Variants in KLF4 observed in about 807,000 individuals in gnomAD.
KLF4 encodes the protein KLF transcription factor 4.
KLF4 carries 14 observed loss-of-function variants against 38.0 expected under a neutral mutation model. The observed-to-expected ratio is 0.37, with a 90% CI of 0.24 to 0.58. The LOEUF is 0.58. Ranked by LOEUF, KLF4 falls within the 20% of genes least tolerant of loss-of-function variation. The probability of loss-of-function intolerance (pLI) is 0.76; values close to 1 mark genes in which losing one functional copy is unlikely to be tolerated. For missense variants in KLF4, 737 were observed against 670.1 expected, an observed-to-expected ratio of 1.10 and a Z score of -1.10; for synonymous variants, 398 against 302.5, an observed-to-expected ratio of 1.32 and a Z score of -3.28.
At position 107,489,297 on chromosome 9, in the gene KLF4, T is replaced by C. The variant is rs566907247; in HGVS notation, c.-125A>G. 3 of 1,249,474 alleles carry C rather than the reference T, an allele frequency of 2.4e-6. No homozygotes were observed. Among genetic ancestry groups the C allele is most frequent in the South Asian group, 1.7e-5 (1 of 57,728 alleles). The allele number at this position is 1,249,474 out of a possible 1,614,324, so 77.4% of individuals were successfully genotyped here. On this transcript the variant is annotated 5_prime_UTR_variant, in exon 1 of 5. Transcript: ENST00000374672. ...CCAAATTGGCCGAGATCCTTCTTCT[T>C]TGGATTAAATATAACTTGGAAGCGT...
At position 107,488,024 on chromosome 9, in the gene KLF4, C is replaced by A. The variant is rs751611404; in HGVS notation, c.370G>T (p.Val124Leu). The change falls in exon 3 of 5, where the codon GTG becomes TTG. Residue 124 changes from valine to leucine, a missense_variant. Coordinates refer to ENST00000374672, the MANE Select transcript of KLF4 (RefSeq NM_004235.6). This position sits in a 1 kb window ranked among gnomAD's most constrained non-coding sequence, Gnocchi z 5.7. ...THPPESVAATVSSSASASSSS... is the reference protein window; with the variant it reads ...THPPESVAATLSSSASASSSS... ...GAGGAGGCTGACGCTGACGAGGACACGGTGGCGGCCACTGACTCCGGAGGA... is the reference window on the plus strand; with the variant it reads ...GAGGAGGCTGACGCTGACGAGGACAAGGTGGCGGCCACTGACTCCGGAGGA... 3 of 1,608,480 alleles carry A rather than the reference C, an allele frequency of 1.9e-6. No homozygotes were observed. In the African/African-American group the frequency reaches 4.0e-5, roughly 21 times the overall value.
At position 107,488,577 on chromosome 9, in the gene KLF4, G is replaced by GAGGGCACACC; in HGVS notation, c.127-311_127-310insGGTGTGCCCT. 2 of 495,854 alleles carry GAGGGCACACC rather than the reference G, an allele frequency of 4.0e-6. No homozygotes were observed. The highest frequency in any genetic ancestry group is 7.6e-5 in the Admixed American group (2 of 26,156). The allele number at this position is 495,854 out of a possible 1,614,324, so 30.7% of individuals were successfully genotyped here. A position where few individuals can be genotyped will look rare whatever the true frequency, so the allele number is the denominator to read the frequency against. On this transcript the variant is annotated intron_variant, in intron 2 of 4. Coordinates refer to ENST00000374672, the MANE Select transcript of KLF4 (RefSeq NM_004235.6). The surrounding 1 kb of genome is among the most constrained non-coding windows in gnomAD (Gnocchi z 5.7). ...GGAATTGGCACACCGAGGCTCTCTC[G>GAGGGCACACC]GTGCGCTCTCGCCACGGGGCCGCCT...
At position 107,487,576 on chromosome 9, in the gene KLF4, G is replaced by T; in HGVS notation, c.818C>A (p.Thr273Lys). ...CGCCTCCTGCTTGATCTTGGGGCACGTGCGCGGCGGCCCGCCGTTGTAGGG... is the reference window on the plus strand; with the variant it reads ...CGCCTCCTGCTTGATCTTGGGGCACTTGCGCGGCGGCCCGCCGTTGTAGGG... ...VAPYNGGPPRTCPKIKQEAVS... is the reference protein window; with the variant it reads ...VAPYNGGPPRKCPKIKQEAVS... The change falls in exon 3 of 5, where the codon ACG becomes AAG. Residue 273 changes from threonine (T) to lysine (K), a missense_variant. Thr to Lys is a moderately conservative substitution (Grantham distance 78). Transcript: ENST00000374672. This position sits in a 1 kb window ranked among gnomAD's most constrained non-coding sequence, Gnocchi z 6.1. 1 of 1,579,696 alleles carries T rather than the reference G, an allele frequency of 6.3e-7. No individual in the cohort carries two copies. The highest frequency in any genetic ancestry group is 8.6e-7 in the Non-Finnish European group (1 of 1,167,600).
rs749950864 is a variant in KLF4, at chr9:107,487,708, A to G, written c.686T>C (p.Phe229Ser). The G allele has an allele frequency of 7.4e-5, 119 of 1,604,170 alleles. 1 individual carries two copies. Among genetic ancestry groups the G allele is most frequent in the Non-Finnish European group, 8.8e-5 (103 of 1,176,964 alleles). Residue 229 changes from phenylalanine (F) to serine (S), a missense_variant, in exon 3 of 5, where the codon TTC (phenylalanine) becomes TCC (serine). By Grantham distance (155) the Phe-to-Ser change is radical. Around this residue, in one of 2 missense-constraint regions of KLF4, gnomAD observed 695 missense variants for 554.5 expected, o/e 1.25. Coordinates refer to ENST00000374672, the MANE Select transcript of KLF4 (RefSeq NM_004235.6). The surrounding 1 kb of genome is among the most constrained non-coding windows in gnomAD (Gnocchi z 6.1). ...QPPGGGLMGK[F>S]VLKASLSAPG... ...GGCGCTCAGCGACGCCTTCAGCACGAACTTGCCCATCAGCCCGCCACCTGG... is the reference window on the plus strand; with the variant it reads ...GGCGCTCAGCGACGCCTTCAGCACGGACTTGCCCATCAGCCCGCCACCTGG...
Position 107,487,732 on chromosome 9 carries a change from G to GGCGGCT in KLF4, c.656_661dup (p.Gln219_Pro220dup), listed in dbSNP as rs747617149. 3.9e-5 allele frequency: 62 copies of GGCGGCT among 1,590,232 alleles called. No homozygotes were observed. The highest frequency in any genetic ancestry group is 5.1e-5 in the Non-Finnish European group (60 of 1,169,248). ...GAACTTGCCCATCAGCCCGCCACCTGGCGGCTGCGGCTGCTGCGGCGGAAT... is the reference window on the plus strand; with the variant it reads ...GAACTTGCCCATCAGCCCGCCACCTGGCGGCTGCGGCTGCGGCTGCTGCGGCGGAAT... On this transcript the variant is annotated inframe_insertion, in exon 3 of 5. Coordinates refer to ENST00000374672, the MANE Select transcript of KLF4 (RefSeq NM_004235.6). This position sits in a 1 kb window ranked among gnomAD's most constrained non-coding sequence, Gnocchi z 6.1.
In KLF4 at chr9:107,488,884, C is replaced by CA. The variant is rs1292131318; in HGVS notation, c.126+45dup. ...AGGCTCCGCCCGCCCCCACCACACC[C>CA]ACGAAAACCCACCGGGCGTTCCCGG... On this transcript the variant is annotated intron_variant, in intron 2 of 4. Transcript: ENST00000374672. The surrounding 1 kb of genome is among the most constrained non-coding windows in gnomAD (Gnocchi z 5.7). The CA allele has an allele frequency of 3.2e-6, 5 of 1,538,496 alleles. No homozygotes were observed. The African/African-American group carries it at 6.9e-5, about 21-fold the overall frequency.
rs778334042 is a variant in KLF4, at chr9:107,485,933, A to C, written c.1265-7T>G. On this transcript the variant is annotated splice_region_variant and splice_polypyrimidine_tract_variant and intron_variant, in intron 4 of 4. Transcript: ENST00000374672. This position sits in a 1 kb window ranked among gnomAD's most constrained non-coding sequence, Gnocchi z 4.9. The stretch of plus-strand genomic sequence containing the variant: ...CAGTGGTAAGGTTTCTCACCTGTAA[A>C]GGTAAAAGAAAAAAAAAATTGACGC... 1.3e-6 allele frequency: 2 copies of C among 1,597,864 alleles called. No homozygotes were observed. Among genetic ancestry groups the C allele is most frequent in the South Asian group, 2.3e-5 (2 of 87,538 alleles).
In KLF4 at chr9:107,488,041, T is replaced by C; in HGVS notation, c.353A>G (p.Glu118Gly). The C allele has an allele frequency of 6.2e-7, 1 of 1,611,684 alleles. No homozygotes were observed. The highest frequency in any genetic ancestry group is 8.5e-7 in the Non-Finnish European group (1 of 1,179,390). Residue 118 changes from glutamate to glycine, a missense_variant, in exon 3 of 5, where the codon GAG (glutamate) becomes GGG (glycine). By Grantham distance (98) the Glu-to-Gly change is moderately conservative (BLOSUM62 -2). Coordinates refer to ENST00000374672, the MANE Select transcript of KLF4 (RefSeq NM_004235.6). The surrounding 1 kb of genome is among the most constrained non-coding windows in gnomAD (Gnocchi z 5.7). ...CGAGGACACGGTGGCGGCCACTGAC[T>C]CCGGAGGATGGGTCAGCGAATTGGA... is the stretch of plus-strand genomic sequence containing the variant. ...ILSNSLTHPPESVAATVSSSA... is the reference protein window; with the variant it reads ...ILSNSLTHPPGSVAATVSSSA...
chr9:107,488,862 C>G lies in KLF4; in HGVS notation c.126+68G>C, dbSNP rs1261727317. 5.9e-6 allele frequency: 9 copies of G among 1,518,132 alleles called. No homozygotes were observed. Among genetic ancestry groups the G allele is most frequent in the Non-Finnish European group, 8.0e-6 (9 of 1,126,678 alleles). 94.0% of individuals were successfully genotyped at this position (1,518,132 alleles called of 1,614,324 possible). A position where few individuals can be genotyped will look rare whatever the true frequency, so the allele number is the denominator to read the frequency against. On this transcript the variant is annotated intron_variant, in intron 2 of 4. Transcript: ENST00000374672. The surrounding 1 kb of genome is among the most constrained non-coding windows in gnomAD (Gnocchi z 5.7). ...TCAGTGGCTCTTGGTGACCCCAAGGCTCCGCCCGCCCCCACCACACCCACG... is the reference window on the plus strand; with the variant it reads ...TCAGTGGCTCTTGGTGACCCCAAGGGTCCGCCCGCCCCCACCACACCCACG...
Position 107,487,370 on chromosome 9 carries a change from G to T in KLF4, c.1024C>A (p.Pro342Thr), listed in dbSNP as rs762244551. 1.6e-5 allele frequency: 24 copies of T among 1,539,514 alleles called. No homozygotes were observed. In the South Asian group the frequency reaches 2.9e-4, roughly 19 times the overall value. The change falls in exon 3 of 5, where the codon CCC becomes ACC. Residue 342 changes from proline (P) to threonine (T), a missense_variant. Physicochemically the swap from Pro to Thr is conservative, Grantham distance 38. Coordinates refer to ENST00000374672, the MANE Select transcript of KLF4 (RefSeq NM_004235.6). This position sits in a 1 kb window ranked among gnomAD's most constrained non-coding sequence, Gnocchi z 6.1. The stretch of plus-strand genomic sequence containing the variant: ...GATGGGTAATTGGGCCCCGGGTGGG[G>T]ATGGAAGCCGGGAGGAAGCGGCAGG... ...PALPLPPGFHPHPGPNYPSFL... is the reference protein window; with the variant it reads ...PALPLPPGFHTHPGPNYPSFL...
Position 107,489,213 on chromosome 9 carries a change from C to G in KLF4, c.-41G>C, listed in dbSNP as rs760310902. The G allele has an allele frequency of 6.9e-7, 1 of 1,457,884 alleles. No homozygotes were observed. The highest frequency in any genetic ancestry group is 2.5e-5 in the East Asian group (1 of 39,484). The allele number at this position is 1,457,884 out of a possible 1,614,324, so 90.3% of individuals were successfully genotyped here. On this transcript the variant is annotated 5_prime_UTR_variant, in exon 1 of 5. Coordinates refer to ENST00000374672, the MANE Select transcript of KLF4 (RefSeq NM_004235.6). ...GAAGGTCCTCGGCAGCCCGAAGCAG[C>G]TGGGGCACCTGAACCCCAAAGTCAA...
chr9:107,487,059 G>C lies in KLF4; in HGVS notation c.1233C>G (p.Ser411=), dbSNP rs1340733924. The change falls in exon 4 of 5, where the codon TCC becomes TCG. Residue 411 remains serine, a synonymous_variant. Coordinates refer to ENST00000374672, the MANE Select transcript of KLF4 (RefSeq NM_004235.6). This position sits in a 1 kb window ranked among gnomAD's most constrained non-coding sequence, Gnocchi z 6.1. ...GGGTTCGCAGGTGTGCCTTGAGATG[G>C]GAACTCTTTGTGTAGGTTTTGCCGC... The part of the protein sequence containing the change: ...AGCGKTYTKS[S]HLKAHLRTHT... The C allele has an allele frequency of 1.2e-6, 2 of 1,614,194 alleles. No individual in the cohort carries two copies. Among genetic ancestry groups the C allele is most frequent in the Non-Finnish European group, 1.7e-6 (2 of 1,180,042 alleles).
rs755678525 is a variant in KLF4 at position 107,487,537 on chromosome 9, G to C, written c.857C>G (p.Thr286Ser). ...GAGAGGGGGTCCAGCGCCCAAGTGG[G>C]TGCACGAAGAGACCGCCTCCTGCTT... is the stretch of plus-strand genomic sequence containing the variant. ...KIKQEAVSSC[T>S]HLGAGPPLSN... Residue 286 changes from threonine to serine, a missense_variant, in exon 3 of 5, where the codon ACC becomes AGC. Coordinates refer to ENST00000374672, the MANE Select transcript of KLF4 (RefSeq NM_004235.6). The surrounding 1 kb of genome is among the most constrained non-coding windows in gnomAD (Gnocchi z 6.1). 3 of 1,563,606 alleles carry C rather than the reference G, an allele frequency of 1.9e-6. No homozygotes were observed. Among genetic ancestry groups the C allele is most frequent in the Non-Finnish European group, 1.7e-6 (2 of 1,156,424 alleles).
rs1006340311 is a variant in KLF4 at position 107,489,515 on chromosome 9, C to A, written c.-343G>T. On this transcript the variant is annotated 5_prime_UTR_variant, in exon 1 of 5. Coordinates refer to ENST00000374672, the MANE Select transcript of KLF4 (RefSeq NM_004235.6). ...CAGGGGCTGTGGCCGGGGCGGTGGG[C>A]GGGCGGTGCCGCCAGGTGAGACTGG... 2 of 218,574 alleles carry A rather than the reference C, an allele frequency of 9.2e-6. No homozygotes were observed. The highest frequency in any genetic ancestry group is 2.3e-5 in the African/African-American group (1 of 43,730). The allele number at this position is 218,574 out of a possible 1,614,324, so 13.5% of individuals were successfully genotyped here. A position where few individuals can be genotyped will look rare whatever the true frequency, so the allele number is the denominator to read the frequency against.
In KLF4 at chr9:107,485,426, C is replaced by A; in HGVS notation, c.*325G>T. 3.4e-6 allele frequency: 1 copy of A among 291,608 alleles called. No homozygotes were observed. The highest frequency in any genetic ancestry group is 5.4e-5 in the East Asian group (1 of 18,420). The allele number at this position is 291,608 out of a possible 1,614,324, so 18.1% of individuals were successfully genotyped here. The stretch of plus-strand genomic sequence containing the variant: ...TTCAAGGGAATTCTGGTCTTCCCTC[C>A]CCCAACTCACGGATATAATTTATAC... On this transcript the variant is annotated 3_prime_UTR_variant, in exon 5 of 5. Transcript: ENST00000374672. The surrounding 1 kb of genome is among the most constrained non-coding windows in gnomAD (Gnocchi z 4.9).
Position 107,487,714 on chromosome 9 carries a change from C to T in KLF4, c.680G>A (p.Gly227Asp). Residue 227 changes from glycine to aspartate, a missense_variant, in exon 3 of 5, where the codon GGC becomes GAC. Transcript: ENST00000374672. This position sits in a 1 kb window ranked among gnomAD's most constrained non-coding sequence, Gnocchi z 6.1. The stretch of plus-strand genomic sequence containing the variant: ...CAGCGACGCCTTCAGCACGAACTTG[C>T]CCATCAGCCCGCCACCTGGCGGCTG... ...QPQPPGGGLM[G>D]KFVLKASLSA... 6.2e-7 allele frequency: 1 copy of T among 1,600,902 alleles called. No individual in the cohort carries two copies. Among genetic ancestry groups the T allele is most frequent in the Non-Finnish European group, 8.5e-7 (1 of 1,175,092 alleles).
In KLF4 at chr9:107,488,627, G is replaced by A. The variant is rs1466312277; in HGVS notation, c.126+303C>T. ...TACGCGCTAAACTCACTCTGGCCCAGCCAGTGTCTGGGGACGCGGCCACCT... is the reference window on the plus strand; with the variant it reads ...TACGCGCTAAACTCACTCTGGCCCAACCAGTGTCTGGGGACGCGGCCACCT... On this transcript the variant is annotated intron_variant, in intron 2 of 4. Coordinates refer to ENST00000374672, the MANE Select transcript of KLF4 (RefSeq NM_004235.6). This position sits in a 1 kb window ranked among gnomAD's most constrained non-coding sequence, Gnocchi z 5.7. 1.3e-5 allele frequency among the ~76,000 whole-genome samples: 2 copies of A among 152,174 alleles called. No homozygotes were observed. The highest frequency in any genetic ancestry group is 2.4e-5 in the African/African-American group (1 of 41,458).
Position 107,487,652 on chromosome 9 carries a change from T to C in KLF4, c.742A>G (p.Ile248Val). 6.3e-7 allele frequency: 1 copy of C among 1,590,860 alleles called. No homozygotes were observed. Among genetic ancestry groups the C allele is most frequent in the Non-Finnish European group, 8.6e-7 (1 of 1,167,060 alleles). Residue 248 changes from isoleucine (I) to valine (V), a missense_variant, in exon 3 of 5, where the codon ATC becomes GTC. Around this residue, in one of 2 missense-constraint regions of KLF4, gnomAD observed 695 missense variants for 554.5 expected, o/e 1.25. Coordinates refer to ENST00000374672, the MANE Select transcript of KLF4 (RefSeq NM_004235.6). The surrounding 1 kb of genome is among the most constrained non-coding windows in gnomAD (Gnocchi z 6.1). ...PGSEYGSPSV[I>V]SVSKGSPDGS... ...TCAGGGCTGCCTTTGCTGACGCTGA[T>C]GACCGACGGGCTGCCGTACTCGCTG... is the stretch of plus-strand genomic sequence containing the variant.
In KLF4 at chr9:107,487,735, G is replaced by GGCTGCGGCT. The variant is rs772043088; in HGVS notation, c.650_658dup (p.Gln217_Gln219dup). The GGCTGCGGCT allele has an allele frequency of 2.0e-5, 32 of 1,587,076 alleles. No homozygotes were observed. In the African/African-American group the frequency reaches 3.1e-4, roughly 15 times the overall value. On this transcript the variant is annotated inframe_insertion, in exon 3 of 5. Transcript: ENST00000374672. The surrounding 1 kb of genome is among the most constrained non-coding windows in gnomAD (Gnocchi z 6.1). ...CTTGCCCATCAGCCCGCCACCTGGCGGCTGCGGCTGCTGCGGCGGAATGTA... is the reference window on the plus strand; with the variant it reads ...CTTGCCCATCAGCCCGCCACCTGGCGGCTGCGGCTGCTGCGGCTGCTGCGGCGGAATGTA...
Sources: gnomAD v4.1 joint callset for allele counts (sites outside exome capture counted in the v4.1 genomes callset) on GRCh38, gnomAD v4.1.1 for gene constraint, gnomAD v4.1.1 regional missense constraint, Gnocchi (gnomAD v3.1) non-coding constraint, MANE v1.5 for transcripts, NCBI Gene and HGNC (gene_info 2026-07-23, HGNC 2026-07-21) for gene names.